Variants in ZNF385B observed in about 807,000 individuals in gnomAD.
The protein encoded by ZNF385B is zinc finger protein 533.
ZNF385B carries 23 observed loss-of-function variants against 39.2 expected under a neutral mutation model. The observed-to-expected ratio is 0.59, with a 90% CI of 0.42 to 0.83. The LOEUF is 0.83. Ranked by LOEUF, ZNF385B falls within the 40% of genes least tolerant of loss-of-function variation. ZNF385B has a pLI of 0.00. For missense variants in ZNF385B, 552 were observed against 598.9 expected (o/e 0.92, Z 0.82); for synonymous variants, 205 against 222.6 (o/e 0.92, Z 0.70).
intron 1 of ZNF385B, among the ~76,000 whole-genome samples, chr2:179,836,400 C>A (rs1383059664): frequency 6.6e-6 from 1 of 152,060 alleles, no homozygotes; most frequent in African/African-American, 2.4e-5. Context: ...GGAATATTTG[C>A]ATTTAGAGCA....
intron 3 of ZNF385B, among the ~76,000 whole-genome samples, chr2:179,636,556 C>T (rs984273831): frequency 6.6e-6 from 1 of 152,248 alleles, no homozygotes; most frequent in East Asian, 1.9e-4. Flanking sequence ...GCAAATATTA[C>T]GAAAACATAT....
chr2:179,815,587 A>T (rs928232677), intron 1 of ZNF385B, among the ~76,000 whole-genome samples: 9 of 152,176 alleles, frequency 5.9e-5, no homozygotes, highest in Non-Finnish European at 1.3e-4. Context: ...ACCAGAGAAC[A>T]ATTCTTTTAA....
At chr2:179,568,330 A>C (rs1221731450) in intron 3 of ZNF385B, among the ~76,000 whole-genome samples, 1 of 152,172 alleles carries the variant, frequency 6.6e-6, no homozygotes, top group Non-Finnish European at 1.5e-5. Context: ...TAAAATGATC[A>C]TGTTTTACTT....
intron 3 of ZNF385B, among the ~76,000 whole-genome samples, chr2:179,632,941 T>C (rs1691377200): frequency 6.6e-6 from 1 of 152,154 alleles, no homozygotes; most frequent in Non-Finnish European, 1.5e-5. Context: ...GCAAATAAAC[T>C]AGAAAATCCA....
chr2:179,728,118 G>T (rs911724046), intron 3 of ZNF385B, among the ~76,000 whole-genome samples: 2 of 152,028 alleles, frequency 1.3e-5, no homozygotes, highest in Admixed American at 1.3e-4. Context: ...CAATGAGAAA[G>T]TTGTCTGAAT....
intron 3 of ZNF385B, among the ~76,000 whole-genome samples, chr2:179,739,373 C>T (rs544376956): frequency 1.2e-4 from 19 of 152,264 alleles, no homozygotes; most frequent in African/African-American, 4.3e-4. Flanking sequence ...ATAGAACAGG[C>T]TCCTCTAGAG....
chr2:179,518,558 A>G lies in ZNF385B; in HGVS notation c.522T>C (p.Cys174=), dbSNP rs1314558105. 1 of 1,608,642 alleles carries G rather than the reference A, an allele frequency of 6.2e-7. No homozygotes were observed. The highest frequency in any genetic ancestry group is 1.3e-5 in the African/African-American group (1 of 74,458). The part of the protein sequence containing the change: ...IPPKKKQVIS[C]NVCQLRFNSD... The stretch of plus-strand genomic sequence containing the variant: ...AGTTAAAGCGAAGCTGACAGACATT[A>G]CAAGAAATAACTTGTTTCTTCTTTG... Residue 174 remains cysteine, a synonymous_variant, in exon 5 of 10, where the codon TGT becomes TGC. Coordinates refer to ENST00000410066, the MANE Select transcript of ZNF385B (RefSeq NM_152520.6).
At position 179,524,551 on chromosome 2, in the gene ZNF385B, C is replaced by CAAAAAAAAAAAA. The variant is rs770219234; in HGVS notation, c.442-5925_442-5914dup. ...TGGGTGACAGAGCGAGACTCCGTCT[C>CAAAAAAAAAAAA]AAAAAAAAAAAAAAAAAAAAAAAAA... On this transcript the variant is annotated intron_variant, in intron 4 of 9. Transcript: ENST00000410066. Among the ~76,000 whole-genome samples, 8 of 60,990 alleles carry CAAAAAAAAAAAA rather than the reference C, an allele frequency of 1.3e-4. 1 individual carries two copies. The highest frequency in any genetic ancestry group is 4.7e-4 in the African/African-American group (6 of 12,896). The allele number at this position is 60,990 out of a possible 152,430, so 40.0% of individuals were successfully genotyped here.
rs146869470 is a variant in ZNF385B at position 179,462,444 on chromosome 2, C to A, written c.716-15674G>T. Among the ~76,000 whole-genome samples the A allele has an allele frequency of 2.6e-5, 4 of 152,310 alleles. 1 individual carries two copies. In the East Asian group the frequency reaches 7.7e-4, roughly 29 times the overall value. ...ACCTGTATGTATGTAAACTGGTGTG[C>A]TGCAGGAGACTTAAGCCTTTGCCTT... On this transcript the variant is annotated intron_variant, in intron 6 of 9. Transcript: ENST00000410066.
In ZNF385B at chr2:179,522,685, T is replaced by C. The variant is rs573066423; in HGVS notation, c.442-4047A>G. Among the ~76,000 whole-genome samples the C allele has an allele frequency of 5.7e-3, 687 of 120,256 alleles. 3 individuals carry two copies. The highest frequency in any genetic ancestry group is 8.4e-3 in the Non-Finnish European group (452 of 53,792). 78.9% of individuals were successfully genotyped at this position (120,256 alleles called of 152,430 possible). On this transcript the variant is annotated intron_variant, in intron 4 of 9. Transcript: ENST00000410066. ...AGTACTTTCAAAAATATTTCTTAAA[T>C]GTTTATAATATATCTTTTACATTAA... is the stretch of plus-strand genomic sequence containing the variant.
intron 5 of ZNF385B, among the ~76,000 whole-genome samples, chr2:179,512,010 TC>T (rs1185319489): frequency 1.3e-5 from 2 of 152,130 alleles, no homozygotes; most frequent in African/African-American, 4.8e-5. Flanking sequence ...ATGGGCTAGC[TC>T]CAAATGAGTA....
chr2:179,668,111 T>A (rs764241033), intron 3 of ZNF385B, among the ~76,000 whole-genome samples: 12 of 152,218 alleles, frequency 7.9e-5, no homozygotes, highest in Non-Finnish European at 1.3e-4. Flanking sequence ...ATCCTATCCA[T>A]AAGTCAATTT....
chr2:179,471,685 A>G (rs939747642), intron 6 of ZNF385B, among the ~76,000 whole-genome samples: 4 of 152,200 alleles, frequency 2.6e-5, no homozygotes, highest in Non-Finnish European at 4.4e-5. Flanking sequence ...CATTATTGCT[A>G]TATTACTATA....
chr2:179,537,108 C>T (rs1176339317), intron 4 of ZNF385B, among the ~76,000 whole-genome samples: 5 of 150,938 alleles, frequency 3.3e-5, no homozygotes, highest in Admixed American at 6.6e-5. Context: ...GTCGAGAGTT[C>T]GAGACAAGCC....
chr2:179,532,349 C>G (rs1028280045), intron 4 of ZNF385B, among the ~76,000 whole-genome samples: 7 of 152,082 alleles, frequency 4.6e-5, no homozygotes, highest in African/African-American at 1.7e-4. Context: ...AATGAAATCA[C>G]CAAGTTAAAA....
At position 179,849,024 on chromosome 2, in the gene ZNF385B, G is replaced by A. The variant is rs1358274504; in HGVS notation, c.-155+12077C>T. 3.9e-5 allele frequency among the ~76,000 whole-genome samples: 6 copies of A among 152,162 alleles called. No homozygotes were observed. In the East Asian group the frequency reaches 1.2e-3, roughly 29 times the overall value. ...GTAGTCCTATGAGATACATAATATT[G>A]TGCCCATTTTATAATACAGGAATCT... On this transcript the variant is annotated intron_variant, in intron 1 of 9. Transcript: ENST00000410066.
chr2:179,670,041 C>T (rs1198734647), intron 3 of ZNF385B, among the ~76,000 whole-genome samples: 1 of 152,016 alleles, frequency 6.6e-6, no homozygotes, highest in African/African-American at 2.4e-5. Flanking sequence ...CTTGTAATCC[C>T]AGCACTTTGG....
intron 3 of ZNF385B, among the ~76,000 whole-genome samples, chr2:179,761,497 T>C (rs1703382845): frequency 1.3e-5 from 2 of 152,156 alleles, no homozygotes. Flanking sequence ...TTTCATTTTA[T>C]TAGGAAGTGA....
intron 3 of ZNF385B, among the ~76,000 whole-genome samples, chr2:179,739,191 A>G (rs183947681): frequency 8.0e-4 from 122 of 152,374 alleles, no homozygotes; most frequent in Admixed American, 6.6e-3. Flanking sequence ...GCATATGGTT[A>G]GCTTGAAAGT....
Sources: gnomAD v4.1 joint callset for allele counts (sites outside exome capture counted in the v4.1 genomes callset) on GRCh38, gnomAD v4.1.1 for gene constraint, MANE v1.5 for transcripts, NCBI Gene and HGNC (gene_info 2026-07-23, HGNC 2026-07-21) for gene names.